Variants in CPA6 observed in about 807,000 individuals in gnomAD.
CPA6 encodes the protein carboxypeptidase B.
In CPA6, 58 loss-of-function variants were observed where a neutral mutation model predicts 63.3. That is an observed-to-expected ratio of 0.92 (90% CI 0.74 to 1.14). The LOEUF is 1.14. Ranked by LOEUF, CPA6 falls within the 50% of genes most tolerant of loss-of-function variation. The probability of loss-of-function intolerance (pLI) is 0.00; values close to 1 mark genes in which losing one functional copy is unlikely to be tolerated. For missense variants in CPA6, 565 were observed against 526.6 expected, an observed-to-expected ratio of 1.07 and a Z score of -0.71; for synonymous variants, 185 against 179.0, an observed-to-expected ratio of 1.03 and a Z score of -0.27.
At chr8:67,679,486 G>A (rs971787756) in intron 1 of CPA6, among the ~76,000 whole-genome samples, 2 of 152,142 alleles carry the variant, frequency 1.3e-5, no homozygotes, top group African/African-American at 2.4e-5. Context: ...TAAGCTACAA[G>A]TTTTCAATTT....
chr8:67,555,787 G>A lies in CPA6; in HGVS notation c.193-37740C>T, dbSNP rs553959558. On this transcript the variant is annotated intron_variant, in intron 2 of 10. Transcript: ENST00000297770. The stretch of plus-strand genomic sequence containing the variant: ...AGGATTGAATTGGATTGTTGGACAA[G>A]CAGCTGGTGTTAGAGAATTACAGAA... Among the ~76,000 whole-genome samples the A allele has an allele frequency of 3.3e-5, 5 of 152,304 alleles. No individual in the cohort carries two copies. In the East Asian group the frequency reaches 9.6e-4, roughly 29 times the overall value.
intron 9 of CPA6, among the ~76,000 whole-genome samples, chr8:67,428,615 C>T (rs1419898376): frequency 6.6e-6 from 1 of 152,192 alleles, no homozygotes; most frequent in Non-Finnish European, 1.5e-5. Context: ...TCCTGAGTAG[C>T]TGGGACTACA....
At chr8:67,721,210 C>A (rs1444059960) in intron 1 of CPA6, among the ~76,000 whole-genome samples, 1 of 152,218 alleles carries the variant, frequency 6.6e-6, no homozygotes, top group African/African-American at 2.4e-5. Context: ...GTTACAAGGT[C>A]CTCTCGGACT....
intron 1 of CPA6, among the ~76,000 whole-genome samples, chr8:67,701,754 C>A (rs1587712989): frequency 6.6e-6 from 1 of 152,186 alleles, no homozygotes; most frequent in Non-Finnish European, 1.5e-5. Context: ...CTGGCTGGAA[C>A]CAACCTCAGG....
At chr8:67,513,744 C>T (rs182175535) in intron 3 of CPA6, among the ~76,000 whole-genome samples, 7 of 152,182 alleles carry the variant, frequency 4.6e-5, no homozygotes, top group African/African-American at 1.7e-4. Context: ...TAGAAACTGG[C>T]GTATCGATGA....
intron 1 of CPA6, among the ~76,000 whole-genome samples, chr8:67,721,220 T>G (rs577667838): frequency 1.3e-5 from 2 of 152,346 alleles, no homozygotes; most frequent in South Asian, 4.1e-4. Flanking sequence ...CCTCTCGGAC[T>G]TTGTTGTATG....
At position 67,422,198 on chromosome 8, in the gene CPA6, A is replaced by G. The variant is rs1276044487; in HGVS notation, c.*306T>C. 4.1e-6 allele frequency: 1 copy of G among 243,242 alleles called. No homozygotes were observed. Among genetic ancestry groups the G allele is most frequent in the Non-Finnish European group, 7.9e-6 (1 of 127,254 alleles). 15.1% of individuals were successfully genotyped at this position (243,242 alleles called of 1,614,324 possible). A position where few individuals can be genotyped will look rare whatever the true frequency, so the allele number is the denominator to read the frequency against. ...TAATTGAGGACATGAGATTTATTGA[A>G]GGGAAATCCTCAATTAATATGAACA... On this transcript the variant is annotated 3_prime_UTR_variant, in exon 11 of 11. Transcript: ENST00000297770.
intron 2 of CPA6, among the ~76,000 whole-genome samples, chr8:67,535,568 T>C (rs1812567520): frequency 6.6e-6 from 1 of 152,244 alleles, no homozygotes; most frequent in Non-Finnish European, 1.5e-5. Flanking sequence ...GTTTTTCTTG[T>C]AAATTTTTTT....
At chr8:67,428,606 C>G (rs997427322) in intron 9 of CPA6, among the ~76,000 whole-genome samples, 2 of 152,200 alleles carry the variant, frequency 1.3e-5, no homozygotes, top group South Asian at 4.1e-4. Flanking sequence ...GCCTCAGCCT[C>G]CTGAGTAGCT....
intron 5 of CPA6, 106 bp downstream of exon 5, chr8:67,509,411 G>A: frequency 1.8e-6 from 1 of 555,362 alleles, no homozygotes; most frequent in East Asian, 3.2e-5. Flanking sequence ...TGTTAAATAT[G>A]AGACTCTATA....
chr8:67,642,040 G>T (rs948778548), intron 1 of CPA6, among the ~76,000 whole-genome samples: 21 of 152,190 alleles, frequency 1.4e-4, no homozygotes. Flanking sequence ...AAGGACATTA[G>T]GTCGGGCATG....
rs1211323183 is a variant in CPA6 at position 67,733,196 on chromosome 8, C to CAAAA, written c.116+12814_116+12817dup. 5.8e-3 allele frequency among the ~76,000 whole-genome samples: 87 copies of CAAAA among 14,876 alleles called. 6 individuals carry two copies. The highest frequency in any genetic ancestry group is 0.012 in the African/African-American group (55 of 4,758). 9.8% of individuals were successfully genotyped at this position (14,876 alleles called of 152,430 possible). On this transcript the variant is annotated intron_variant, in intron 1 of 10. Coordinates refer to ENST00000297770, the MANE Select transcript of CPA6 (RefSeq NM_020361.5). The stretch of plus-strand genomic sequence containing the variant: ...TGGGCTACAGAGCGAGACTCCATCT[C>CAAAA]AAAAAAAAAAAAAAAAAAAAAAAAA...
chr8:67,484,709 G>A lies in CPA6; in HGVS notation c.717C>T (p.Asn239=), dbSNP rs566831914. Residue 239 remains asparagine, a synonymous_variant, in exon 7 of 11, where the codon AAC becomes AAT. Coordinates refer to ENST00000297770, the MANE Select transcript of CPA6 (RefSeq NM_020361.5). ...TCCAACTAAAATGGTATCCATCGAC[G>A]TTAAACACAGGCATGATATAGAAAT... ...HLYFYIMPVF[N]VDGYHFSWTN... 3 of 1,605,690 alleles carry A rather than the reference G, an allele frequency of 1.9e-6. No homozygotes were observed. The highest frequency in any genetic ancestry group is 2.6e-6 in the Non-Finnish European group (3 of 1,172,834).
chr8:67,600,801 G>A (rs1814475978), intron 2 of CPA6, among the ~76,000 whole-genome samples: 1 of 152,092 alleles, frequency 6.6e-6, no homozygotes, highest in African/African-American at 2.4e-5. Context: ...AACAAAAAAT[G>A]TTTTCTCAAA....
At chr8:67,442,452 A>G (rs2128954047) in intron 8 of CPA6, among the ~76,000 whole-genome samples, 1 of 152,284 alleles carries the variant, frequency 6.6e-6, no homozygotes, top group South Asian at 2.1e-4. Flanking sequence ...TGTTCAGGAA[A>G]ATCTTCTTAG....
intron 2 of CPA6, among the ~76,000 whole-genome samples, chr8:67,524,619 TTG>T (rs1241526572): frequency 1.3e-5 from 2 of 151,990 alleles, no homozygotes; most frequent in Admixed American, 6.5e-5. Flanking sequence ...AAAACTTTTT[TTG>T]TTTTTTTGCA....
chr8:67,442,965 G>C (rs1026470601), intron 8 of CPA6, among the ~76,000 whole-genome samples: 5 of 152,096 alleles, frequency 3.3e-5, no homozygotes, highest in African/African-American at 1.2e-4. Context: ...CTTTCTTAGA[G>C]CTGCATATTA....
At chr8:67,461,519 C>A (rs1810806050) in intron 8 of CPA6, among the ~76,000 whole-genome samples, 1 of 152,150 alleles carries the variant, frequency 6.6e-6, no homozygotes, top group Non-Finnish European at 1.5e-5. Context: ...CCTTTCCCCG[C>A]TTTCTATTCC....
intron 1 of CPA6, among the ~76,000 whole-genome samples, chr8:67,691,390 G>C (rs542157576): frequency 6.6e-6 from 1 of 152,314 alleles, no homozygotes; most frequent in African/African-American, 2.4e-5. Flanking sequence ...CTGGCACGTG[G>C]CTGGAAAGTG....
Sources: allele counts gnomAD v4.1 joint callset (sites outside exome capture counted in the v4.1 genomes callset), GRCh38; gene constraint gnomAD v4.1.1; transcripts MANE v1.5; gene names NCBI Gene and HGNC (gene_info 2026-07-23, HGNC 2026-07-21).